RAB13: variants seen among roughly 807,000 people sequenced by gnomAD.
The protein encoded by RAB13 is RAB13, member RAS oncogene family, also known as ras-related protein Rab-13.
A neutral mutation model predicts 29.3 loss-of-function variants in RAB13; 15 were observed. The ratio of observed to expected loss-of-function variants is 0.51; its 90% CI spans 0.34 to 0.79. The LOEUF (loss-of-function observed/expected upper bound fraction) is 0.79, where lower values mean the gene tolerates loss of function less well. Ranked by LOEUF, RAB13 falls within the 30% of genes least tolerant of loss-of-function variation. The pLI is 0.01. For synonymous variants in RAB13, 82 were observed against 93.8 expected, an observed-to-expected ratio of 0.87 and a Z score of 0.73; for missense variants, 186 against 255.5, an observed-to-expected ratio of 0.73 and a Z score of 1.85.
At chr1:153,985,185 T>C (rs1482361406) in intron 1 of RAB13, 1 of 994,406 alleles carries the variant, frequency 1.0e-6, no homozygotes, top group African/African-American at 1.7e-5. Context: ...CCTACCCTCC[T>C]AGTAGAGAGT....
intron 7 of RAB13, 81 bp from the exon 8 acceptor site, chr1:153,982,257 C>A (rs1649000710): frequency 2.0e-6 from 3 of 1,516,192 alleles, no homozygotes; most frequent in Non-Finnish European, 2.7e-6. Context: ...AGTAAATCCA[C>A]CCTCATGAGA....
chr1:153,990,346 A>G (rs977254219), upstream of RAB13, among the ~76,000 whole-genome samples: 13 of 152,336 alleles, frequency 8.5e-5, no homozygotes, highest in African/African-American at 3.1e-4. Context: ...GATTACAGGC[A>G]TGAGCCACTG....
At chr1:153,989,298 G>T (rs1649280108), upstream of RAB13, among the ~76,000 whole-genome samples, 1 of 147,100 alleles carries the variant, frequency 6.8e-6, no homozygotes, top group Non-Finnish European at 1.5e-5. Flanking sequence ...CGCCCAGGCT[G>T]CAGTGCAGCG....
chr1:153,987,039 T>G (rs1229706044), upstream of RAB13, among the ~76,000 whole-genome samples: 2 of 152,196 alleles, frequency 1.3e-5, no homozygotes, highest in Non-Finnish European at 2.9e-5. Context: ...CCATGTGTGA[T>G]TTCTCTGACC....
At chr1:153,987,051 A>G (rs374046429), upstream of RAB13, among the ~76,000 whole-genome samples, 3 of 152,270 alleles carry the variant, frequency 2.0e-5, no homozygotes, top group East Asian at 5.8e-4. Context: ...TCTCTGACCA[A>G]ATAGCTTAGG....
chr1:153,987,347 A>C (rs1032418618), upstream of RAB13, among the ~76,000 whole-genome samples: 15 of 151,636 alleles, frequency 9.9e-5, no homozygotes, highest in Non-Finnish European at 1.8e-4. Flanking sequence ...TCTACTAAAA[A>C]TACACACACA....
In RAB13 at chr1:153,986,219, G is replaced by A. The variant is rs1257254902; in HGVS notation, c.18C>T (p.Asp6=). MAKAY[D]HLFKLLLIGD... ...CGATCAGCAGCAACTTGAAGAGGTG[G>A]TCGTAGGCTTTGGCCATGGCGGACA... Residue 6 remains aspartate, a synonymous_variant, in exon 1 of 8, where the codon GAC becomes GAT. Transcript: ENST00000368575. The A allele has an allele frequency of 1.2e-6, 2 of 1,613,208 alleles. No individual in the cohort carries two copies. Among genetic ancestry groups the A allele is most frequent in the Non-Finnish European group, 8.5e-7 (1 of 1,179,698 alleles).
chr1:153,983,814 G>A (rs1173472988), intron 2 of RAB13, among the ~76,000 whole-genome samples: 2 of 152,180 alleles, frequency 1.3e-5, no homozygotes, highest in Non-Finnish European at 2.9e-5. Context: ...GTCAAGCACT[G>A]TGTATGTATC....
At chr1:153,988,690 C>A (rs1367580694), upstream of RAB13, among the ~76,000 whole-genome samples, 1 of 149,018 alleles carries the variant, frequency 6.7e-6, no homozygotes, top group African/African-American at 2.4e-5. Flanking sequence ...CTGGGCTAAC[C>A]GCAGCTTCCG....
In RAB13 at chr1:153,982,551, C is replaced by T; in HGVS notation, c.464G>A (p.Ser155Asn). Residue 155 changes from serine to asparagine, a missense_variant, in exon 6 of 8, where the codon AGT (serine) becomes AAT (asparagine). Ser to Asn is a conservative substitution (Grantham distance 46). Coordinates refer to ENST00000368575, the MANE Select transcript of RAB13 (RefSeq NM_002870.5). The stretch of plus-strand genomic sequence containing the variant: ...GGATCTCACCTCATCCACATTCATA[C>T]TGGATTTAGCACTAGTTTCGAAAAA... The part of the protein sequence containing the change: ...IRFFETSAKS[S>N]MNVDEAFSSL... 6.2e-7 allele frequency: 1 copy of T among 1,610,656 alleles called. No individual in the cohort carries two copies. Among genetic ancestry groups the T allele is most frequent in the South Asian group, 1.1e-5 (1 of 90,906 alleles).
In RAB13 at chr1:153,984,750, T is replaced by C. The variant is rs549518378; in HGVS notation, c.156A>G (p.Ile52Met). The change falls in exon 2 of 8, where the codon ATA (isoleucine) becomes ATG (methionine). Residue 52 changes from isoleucine (I) to methionine (M), a missense_variant. Ile to Met is a conservative substitution (Grantham distance 10). Transcript: ENST00000368575. ...GIDFKIRTVD[I>M]EGKKIKLQVW... is the part of the protein sequence containing the mutation. ...CTTGTAGTTTGATCTTCTTCCCCTCTATATCCACAGTGCGGATCTTGAAAT... is the reference window on the plus strand; with the variant it reads ...CTTGTAGTTTGATCTTCTTCCCCTCCATATCCACAGTGCGGATCTTGAAAT... 1 of 1,613,756 alleles carries C rather than the reference T, an allele frequency of 6.2e-7. No homozygotes were observed. Among genetic ancestry groups the C allele is most frequent in the Admixed American group, 1.7e-5 (1 of 59,920 alleles).
In RAB13 at chr1:153,982,382, C is replaced by G; in HGVS notation, c.534+9G>C. 1 of 1,610,918 alleles carries G rather than the reference C, an allele frequency of 6.2e-7. No homozygotes were observed. Among genetic ancestry groups the G allele is most frequent in the South Asian group, 1.1e-5 (1 of 91,002 alleles). The stretch of plus-strand genomic sequence containing the variant: ...CAGAGTTGTACCTAGTCCAGCAAAA[C>G]CAACTTACTGATCTCCGGCCTCCTG... On this transcript the variant is annotated intron_variant, in intron 7 of 7. Transcript: ENST00000368575.
chr1:153,982,106 A>C lies in RAB13; in HGVS notation c.605T>G (p.Leu202Arg). 6.2e-7 allele frequency: 1 copy of C among 1,613,582 alleles called. No homozygotes were observed. The highest frequency in any genetic ancestry group is 8.5e-7 in the Non-Finnish European group (1 of 1,179,934). Residue 202 changes from leucine to arginine, a missense_variant, in exon 8 of 8, where the codon CTG becomes CGG. Leu to Arg is a moderately radical substitution (Grantham distance 102). Coordinates refer to ENST00000368575, the MANE Select transcript of RAB13 (RefSeq NM_002870.5). The part of the protein sequence containing the change: ...CDKKNTNKCS[L>R]G ...GGAGGCAAGAAAGGGTCCTCAGCCCAGGGAGCACTTGTTGGTGTTCTTCTT... is the reference window on the plus strand; with the variant it reads ...GGAGGCAAGAAAGGGTCCTCAGCCCCGGGAGCACTTGTTGGTGTTCTTCTT...
At chr1:153,986,922 G>A (rs554469742), upstream of RAB13, among the ~76,000 whole-genome samples, 5 of 152,248 alleles carry the variant, frequency 3.3e-5, no homozygotes, top group African/African-American at 9.6e-5. Context: ...GTGGAACAGG[G>A]TGAAAACGTA....
chr1:153,987,528 A>AAAAAAAAAGAAAG (rs570485139), upstream of RAB13, among the ~76,000 whole-genome samples: 42 of 127,518 alleles, frequency 3.3e-4, no homozygotes, highest in East Asian at 1.2e-3. Context: ...AAAAAAAAAA[A>AAAAAAAAAGAAAG]AAAGAAAGAA....
At position 153,982,829 on chromosome 1, in the gene RAB13, A is replaced by G. The variant is rs1426761519; in HGVS notation, c.325-21T>C. On this transcript the variant is annotated intron_variant, in intron 4 of 7. Coordinates refer to ENST00000368575, the MANE Select transcript of RAB13 (RefSeq NM_002870.5). ...GCATTCTGGGGGCAAAAGACAAGTA[A>G]AAGTTAGGTCCTGCCGGCTGGGAGC... 2.5e-6 allele frequency: 4 copies of G among 1,613,334 alleles called. No individual in the cohort carries two copies. In the South Asian group the frequency reaches 3.3e-5, roughly 13 times the overall value.
At position 153,982,302 on chromosome 1, in the gene RAB13, A is replaced by AACACACACAC. The variant is rs56853500; in HGVS notation, c.534+79_534+88dup. On this transcript the variant is annotated intron_variant, in intron 7 of 7. Transcript: ENST00000368575. ...ATTGCTCCCCGTTTTTATCAACACC[A>AACACACACAC]ACACACACACACACACACACACACA... The AACACACACAC allele has an allele frequency of 8.7e-4, 1,127 of 1,297,874 alleles. 7 individuals carry two copies. In the African/African-American group the frequency reaches 0.015, roughly 18 times the overall value. The allele number at this position is 1,297,874 out of a possible 1,614,324, so 80.4% of individuals were successfully genotyped here.
upstream of RAB13, among the ~76,000 whole-genome samples, chr1:153,990,008 A>C (rs1384408871): frequency 4.6e-5 from 7 of 151,948 alleles, no homozygotes; most frequent in Admixed American, 3.3e-4. Context: ...CTTTTTGTCC[A>C]TTCTCTCACC....
rs1427925362 is a variant in RAB13 at position 153,986,284 on chromosome 1, G to T, written c.-48C>A. ...GGAGGGGTGGGGAGCGCCCGGCACTGGTAGGCGGGACTGGACGGTTGGCAA... is the reference window on the plus strand; with the variant it reads ...GGAGGGGTGGGGAGCGCCCGGCACTTGTAGGCGGGACTGGACGGTTGGCAA... On this transcript the variant is annotated 5_prime_UTR_variant, in exon 1 of 8. Transcript: ENST00000368575. 8.5e-6 allele frequency: 13 copies of T among 1,525,144 alleles called. No homozygotes were observed. Among genetic ancestry groups the T allele is most frequent in the South Asian group, 1.1e-5 (1 of 87,158 alleles). The allele number at this position is 1,525,144 out of a possible 1,614,324, so 94.5% of individuals were successfully genotyped here. A position where few individuals can be genotyped will look rare whatever the true frequency, so the allele number is the denominator to read the frequency against.
Sources: gnomAD v4.1 joint callset for allele counts (sites outside exome capture counted in the v4.1 genomes callset) on GRCh38, gnomAD v4.1.1 for gene constraint, MANE v1.5 for transcripts, NCBI Gene and HGNC (gene_info 2026-07-23, HGNC 2026-07-21) for gene names.